Variants in TJP2 observed in about 807,000 individuals in gnomAD.
TJP2 encodes the protein tight junction protein 2.
In TJP2, 91 loss-of-function variants were observed where a neutral mutation model predicts 133.1. The ratio of observed to expected loss-of-function variants is 0.68; its 90% CI spans 0.58 to 0.81. TJP2 has a LOEUF of 0.81. TJP2 is among the 40% of genes least tolerant of loss of function. The pLI, the probability that TJP2 is intolerant of heterozygous loss-of-function variation, is 0.00. For missense variants in TJP2, 1,541 were observed against 1,565.6 expected, an observed-to-expected ratio of 0.98 and a Z score of 0.26; for synonymous variants, 592 against 583.4, an observed-to-expected ratio of 1.01 and a Z score of -0.21.
intron 1 of TJP2, among the ~76,000 whole-genome samples, chr9:69,202,460 G>A (rs183621493): frequency 1.2e-3 from 176 of 152,196 alleles, no homozygotes; most frequent in Admixed American, 1.8e-3. Context: ...TAGGAGTGCC[G>A]ACCCTCACAC....
chr9:69,161,728 T>G (rs905571103), intron 2 of TJP2, among the ~76,000 whole-genome samples: 1 of 150,076 alleles, frequency 6.7e-6, no homozygotes, highest in African/African-American at 2.4e-5. Flanking sequence ...GAAAAATACT[T>G]TATATATAAT....
At chr9:69,159,581 A>G (rs1823954080) in intron 2 of TJP2, among the ~76,000 whole-genome samples, 1 of 152,112 alleles carries the variant, frequency 6.6e-6, no homozygotes, top group Admixed American at 6.6e-5. Context: ...TCAGCAGAAT[A>G]AATATGGTAA....
intron 1 of TJP2, among the ~76,000 whole-genome samples, chr9:69,141,569 C>T (rs1051333916): frequency 2.0e-5 from 3 of 152,026 alleles, no homozygotes; most frequent in Non-Finnish European, 4.4e-5. Context: ...TGATATCCAC[C>T]GAATGTATAT....
At position 69,254,216 on chromosome 9, in the gene TJP2, C is replaced by T. The variant is rs371868714; in HGVS notation, c.3415C>T (p.Pro1139Ser). Reference protein sequence around the residue: ...PGTPQHTSSRPPEPQKAPSRP... With the variant: ...PGTPQHTSSRSPEPQKAPSRP... ...ACACCCTTTTTTTGTTAGTTCCAGA[C>T]CCCCTGAGCCACAGAAAGCTCCTTC... The change falls in exon 23 of 23, where the codon CCC (proline) becomes TCC (serine). Residue 1139 changes from proline (P) to serine (S), a missense_variant. Pro to Ser is a moderately conservative substitution (Grantham distance 74). Transcript: ENST00000377245. 4.3e-6 allele frequency: 7 copies of T among 1,614,204 alleles called. No individual in the cohort carries two copies. Among genetic ancestry groups the T allele is most frequent in the Middle Eastern group, 1.6e-4 (1 of 6,062 alleles).
At chr9:69,208,776 T>C (rs2133181357) in intron 1 of TJP2, among the ~76,000 whole-genome samples, 1 of 152,292 alleles carries the variant, frequency 6.6e-6, no homozygotes, top group Non-Finnish European at 1.5e-5. Context: ...TAGTTTTTTT[T>C]CCTGATAATT....
In TJP2 at chr9:69,167,459, C is replaced by G. The variant is rs1213009345; in HGVS notation, c.-10+15688C>G. 2.0e-5 allele frequency among the ~76,000 whole-genome samples: 3 copies of G among 152,090 alleles called. No individual in the cohort carries two copies. The East Asian group carries it at 5.8e-4, about 29-fold the overall frequency. On this transcript the variant is annotated intron_variant, in intron 2 of 5. Transcript: ENST00000423935. Reference sequence around the variant, plus strand: ...CTTTATAATGAGCACCTTATTCTTGCAAAACTCAGTGGTCTAAAAAATTAA... The same window carrying G: ...CTTTATAATGAGCACCTTATTCTTGGAAAACTCAGTGGTCTAAAAAATTAA...
chr9:69,251,988 A>G lies in TJP2; in HGVS notation c.3321+624A>G, dbSNP rs760151441. On this transcript the variant is annotated intron_variant, in intron 21 of 22. Coordinates refer to ENST00000377245, the MANE Select transcript of TJP2 (RefSeq NM_004817.4). ...TTTCAACCACTTTTTTCTTTTATTT[A>G]TTTTGTTTTGTTTTGTTTTGTTTTG... 8.0e-4 allele frequency among the ~76,000 whole-genome samples: 121 copies of G among 151,760 alleles called. 1 individual carries two copies. The highest frequency in any genetic ancestry group is 3.4e-3 in the Middle Eastern group (1 of 294).
intron 1 of TJP2, among the ~76,000 whole-genome samples, chr9:69,185,098 G>A (rs575749203): frequency 2.7e-4 from 38 of 141,090 alleles, no homozygotes; most frequent in Non-Finnish European, 5.0e-4. Context: ...GTCTTGCTGT[G>A]TTGCCCAGGC....
intron 1 of TJP2, among the ~76,000 whole-genome samples, chr9:69,207,427 T>A (rs1827520822): frequency 6.6e-6 from 1 of 152,222 alleles, no homozygotes; most frequent in Non-Finnish European, 1.5e-5. Flanking sequence ...TGTATTTTAA[T>A]AATGTATCAA....
At chr9:69,235,180 C>A (rs940316673) in intron 12 of TJP2, among the ~76,000 whole-genome samples, 2 of 152,184 alleles carry the variant, frequency 1.3e-5, no homozygotes, top group Non-Finnish European at 2.9e-5. Flanking sequence ...TAGTCTCAGT[C>A]TGAAGGCCTG....
intron 1 of TJP2, among the ~76,000 whole-genome samples, chr9:69,184,568 G>A (rs981670403): frequency 1.3e-5 from 2 of 152,148 alleles, no homozygotes; most frequent in African/African-American, 4.8e-5. Context: ...GAACCCTGTT[G>A]GCAAGAGAGA....
At chr9:69,162,317 T>G (rs1169367968) in intron 2 of TJP2, among the ~76,000 whole-genome samples, 1 of 151,862 alleles carries the variant, frequency 6.6e-6, no homozygotes, top group African/African-American at 2.4e-5. Context: ...AAACTCTCAT[T>G]TGTTTCATTC....
intron 1 of TJP2, among the ~76,000 whole-genome samples, chr9:69,176,718 CAA>C (rs1212822160): frequency 1.3e-5 from 2 of 152,160 alleles, no homozygotes; most frequent in East Asian, 3.8e-4. Flanking sequence ...TGTACACTGA[CAA>C]AAGTTCACAG....
chr9:69,182,950 G>A (rs970701876), intron 1 of TJP2, among the ~76,000 whole-genome samples: 4 of 151,084 alleles, frequency 2.6e-5, no homozygotes, highest in Non-Finnish European at 1.5e-5. Flanking sequence ...CACCATGCCC[G>A]GCTAATTTTG....
At chr9:69,158,078 G>C (rs1369911266) in intron 2 of TJP2, among the ~76,000 whole-genome samples, 1 of 151,700 alleles carries the variant, frequency 6.6e-6, no homozygotes, top group African/African-American at 2.4e-5. Context: ...ACTTTGGGAG[G>C]CTGAGGCGGT....
chr9:69,147,178 G>A (rs939419365), intron 1 of TJP2, among the ~76,000 whole-genome samples: 3 of 152,162 alleles, frequency 2.0e-5, no homozygotes, highest in African/African-American at 4.8e-5. Context: ...GTAGCCTCTC[G>A]TGATTGGGCA....
rs1031918369 is a variant in TJP2, at chr9:69,174,509, C to T, written c.60+77C>T. On this transcript the variant is annotated intron_variant, in intron 1 of 22. Coordinates refer to ENST00000377245, the MANE Select transcript of TJP2 (RefSeq NM_004817.4). The stretch of plus-strand genomic sequence containing the variant: ...GTGGGAGCGCTGGGGGCTCTGCTCG[C>T]GTGCTGCTCTGAAGTTGTTCCCCGA... 1.1e-5 allele frequency: 16 copies of T among 1,445,782 alleles called. 1 individual carries two copies. In the Admixed American group the frequency reaches 2.2e-4, roughly 20 times the overall value. 89.6% of individuals were successfully genotyped at this position (1,445,782 alleles called of 1,614,324 possible).
intron 1 of TJP2, among the ~76,000 whole-genome samples, chr9:69,141,840 C>T (rs182783648): frequency 4.9e-4 from 75 of 152,324 alleles, no homozygotes; most frequent in Admixed American, 2.0e-3. Context: ...CCACCCACCT[C>T]GGCCTGCCAC....
Position 69,147,280 on chromosome 9 carries a change from C to G in TJP2, c.-130-4371C>G, listed in dbSNP as rs566386428. On this transcript the variant is annotated intron_variant, in intron 1 of 5. Transcript: ENST00000423935. ...TGGCAAACAGGTTTCATGTGGAAGA[C>G]AGGTGCCAGTTGATGGTTGGCTGCT... Among the ~76,000 whole-genome samples the G allele has an allele frequency of 8.8e-4, 134 of 152,294 alleles. 2 individuals are homozygous for G. The highest frequency in any genetic ancestry group is 3.1e-3 in the African/African-American group (128 of 41,562).
Sources: gnomAD v4.1 joint callset for allele counts (sites outside exome capture counted in the v4.1 genomes callset) on GRCh38, gnomAD v4.1.1 for gene constraint, MANE v1.5 for transcripts, NCBI Gene and HGNC (gene_info 2026-07-23, HGNC 2026-07-21) for gene names.